The following SMOC1 variants were observed in gnomAD, a reference collection of about 807,000 sequenced individuals.
SMOC1 encodes the protein SPARC-related modular calcium-binding protein 1.
Under a neutral mutation model 56.3 loss-of-function variants are expected in SMOC1, and 22 were observed. That is an observed-to-expected ratio of 0.39 (90% CI 0.28 to 0.56). SMOC1 has a LOEUF of 0.56. SMOC1 is among the 20% of genes least tolerant of loss of function. The pLI is 0.61. For synonymous variants in SMOC1, 193 were observed against 215.0 expected, an observed-to-expected ratio of 0.90 and a Z score of 0.89; for missense variants, 509 against 565.4, an observed-to-expected ratio of 0.90 and a Z score of 1.01.
At chr14:69,925,897 C>T (rs530981220) in intron 1 of SMOC1, among the ~76,000 whole-genome samples, 20 of 152,158 alleles carry the variant, frequency 1.3e-4, no homozygotes, top group African/African-American at 2.4e-4. Flanking sequence ...CAGACCACCA[C>T]GAAAGACAGA....
In SMOC1 at chr14:70,030,505, G is replaced by T; in HGVS notation, c.*247G>T. On this transcript the variant is annotated 3_prime_UTR_variant, in exon 12 of 12. Coordinates refer to ENST00000361956, the MANE Select transcript of SMOC1 (RefSeq NM_001034852.3). ...GACTTTATTCTCTCTCTTATTGTAA[G>T]TTTTTGGATCTGCTACTGACAACTT... is the stretch of plus-strand genomic sequence containing the variant. 2.3e-5 allele frequency: 4 copies of T among 174,232 alleles called. No individual in the cohort carries two copies. The highest frequency in any genetic ancestry group is 3.5e-4 in the East Asian group (2 of 5,776). 10.8% of individuals were successfully genotyped at this position (174,232 alleles called of 1,614,324 possible).
intron 1 of SMOC1, among the ~76,000 whole-genome samples, chr14:69,939,169 C>T (rs965167950): frequency 6.6e-6 from 1 of 152,200 alleles, no homozygotes; most frequent in African/African-American, 2.4e-5. Flanking sequence ...TAAAGACATA[C>T]CCAAGACTGG....
chr14:69,973,673 C>A (rs1357569050), intron 3 of SMOC1, among the ~76,000 whole-genome samples: 1 of 152,204 alleles, frequency 6.6e-6, no homozygotes, highest in Non-Finnish European at 1.5e-5. Context: ...GTGGTAGGAA[C>A]AAGGTTCCCC....
intron 1 of SMOC1, among the ~76,000 whole-genome samples, chr14:69,942,218 C>G (rs1213785982): frequency 6.6e-6 from 1 of 152,028 alleles, no homozygotes; most frequent in East Asian, 1.9e-4. Flanking sequence ...ACTAGATCAG[C>G]TTGTAGGGGC....
At chr14:69,886,753 G>T (rs940926701) in intron 1 of SMOC1, among the ~76,000 whole-genome samples, 1 of 152,152 alleles carries the variant, frequency 6.6e-6, no homozygotes, top group Non-Finnish European at 1.5e-5. Context: ...CTGTGCCCCT[G>T]ACAAGAATCC....
At chr14:69,912,868 T>C (rs1451903520) in intron 1 of SMOC1, among the ~76,000 whole-genome samples, 1 of 152,244 alleles carries the variant, frequency 6.6e-6, no homozygotes, top group Non-Finnish European at 1.5e-5. Flanking sequence ...GGCTACTTTC[T>C]GCTTAGGAGA....
In SMOC1 at chr14:69,879,633, G is replaced by A. The variant is rs146095118; in HGVS notation, c.-46G>A. 0.08 allele frequency: 111,401 copies of A among 1,389,404 alleles called. 5,254 individuals carry two copies. The highest frequency in any genetic ancestry group is 0.094 in the Non-Finnish European group (100,736 of 1,070,092). The allele number at this position is 1,389,404 out of a possible 1,614,324, so 86.1% of individuals were successfully genotyped here. Reference sequence around the variant, plus strand: ...GGAGGCGCGCTGTGCGCCCCGCGGAGCCCGCGAACCCCGCTCGCTGCCGGC... The same window carrying A: ...GGAGGCGCGCTGTGCGCCCCGCGGAACCCGCGAACCCCGCTCGCTGCCGGC... On this transcript the variant is annotated 5_prime_UTR_variant, in exon 1 of 12. Coordinates refer to ENST00000361956, the MANE Select transcript of SMOC1 (RefSeq NM_001034852.3).
chr14:69,952,373 G>A (rs11629028), intron 2 of SMOC1, 70 bp downstream of exon 2: 40,421 of 1,584,448 alleles, frequency 0.026, 554 homozygotes, highest in Non-Finnish European at 0.027. Context: ...CTATGCATTT[G>A]CAACAGGGAA....
In SMOC1 at chr14:69,949,600, A is replaced by C. The variant is rs572181046; in HGVS notation, c.100-2538A>C. Among the ~76,000 whole-genome samples, 9 of 152,266 alleles carry C rather than the reference A, an allele frequency of 5.9e-5. No homozygotes were observed. In the East Asian group the frequency reaches 1.2e-3, roughly 20 times the overall value. ...GTCCTCACCTGGGAGAGTCAGGGAG[A>C]ACCTCCTGGAAGAGACCGCCTGAGC... On this transcript the variant is annotated intron_variant, in intron 1 of 11. Transcript: ENST00000361956.
chr14:70,024,576 C>T (rs1225130772), intron 11 of SMOC1, among the ~76,000 whole-genome samples: 1 of 151,958 alleles, frequency 6.6e-6, no homozygotes, highest in Non-Finnish European at 1.5e-5. Context: ...AGGAGATGGC[C>T]AAGCAGAGAG....
intron 1 of SMOC1, among the ~76,000 whole-genome samples, chr14:69,902,912 A>C (rs1884287947): frequency 6.6e-6 from 1 of 151,994 alleles, no homozygotes; most frequent in Non-Finnish European, 1.5e-5. Flanking sequence ...AGTCTCGTTC[A>C]CTCAGTGCTC....
At chr14:69,995,757 T>C (rs554743823) in intron 7 of SMOC1, among the ~76,000 whole-genome samples, 18 of 152,190 alleles carry the variant, frequency 1.2e-4, no homozygotes, top group Non-Finnish European at 1.9e-4. Context: ...TAAGTACATA[T>C]ATTTATTATT....
intron 5 of SMOC1, among the ~76,000 whole-genome samples, chr14:69,990,749 G>T (rs1300371760): frequency 6.6e-6 from 1 of 152,218 alleles, no homozygotes; most frequent in Non-Finnish European, 1.5e-5. Context: ...GAGGCAAATA[G>T]TATATCCAGC....
At chr14:69,898,660 C>T (rs1367938406) in intron 1 of SMOC1, among the ~76,000 whole-genome samples, 2 of 152,078 alleles carry the variant, frequency 1.3e-5, no homozygotes, top group South Asian at 2.1e-4. Context: ...TTCCATTTCT[C>T]TGTTTATATT....
chr14:69,953,551 C>A lies in SMOC1; in HGVS notation c.378+19C>A, dbSNP rs1162205029. 1 of 1,600,382 alleles carries A rather than the reference C, an allele frequency of 6.2e-7. No individual in the cohort carries two copies. The highest frequency in any genetic ancestry group is 1.7e-5 in the Admixed American group (1 of 59,994). On this transcript the variant is annotated intron_variant, in intron 3 of 11. Transcript: ENST00000361956. The stretch of plus-strand genomic sequence containing the variant: ...TACCCAGGTGAGGCCTCGGACAATC[C>A]TCTTGGGCTCTTTCCTGGACCGAGG...
chr14:69,978,372 C>T (rs1026787910), intron 5 of SMOC1, among the ~76,000 whole-genome samples: 1 of 152,206 alleles, frequency 6.6e-6, no homozygotes, highest in Non-Finnish European at 1.5e-5. Context: ...TTTTTCCCCC[C>T]TCGCTGATGC....
intron 7 of SMOC1, among the ~76,000 whole-genome samples, chr14:70,010,206 G>T (rs1222664881): frequency 2.6e-5 from 4 of 152,214 alleles, no homozygotes; most frequent in Non-Finnish European, 2.9e-5. Context: ...TGGAGGGTGG[G>T]GAGAAGCCAA....
intron 3 of SMOC1, among the ~76,000 whole-genome samples, chr14:69,972,777 C>G (rs1263866269): frequency 1.3e-5 from 2 of 152,226 alleles, no homozygotes; most frequent in Admixed American, 6.5e-5. Context: ...TAGCCTCTTA[C>G]TCATGAATTT....
intron 10 of SMOC1, among the ~76,000 whole-genome samples, chr14:70,017,332 G>T (rs1179213164): frequency 6.6e-6 from 1 of 152,204 alleles, no homozygotes; most frequent in African/African-American, 2.4e-5. Context: ...TGTCCCTCTT[G>T]TTTGATGGAG....
Sources: gnomAD v4.1 joint callset for allele counts (sites outside exome capture counted in the v4.1 genomes callset) on GRCh38, gnomAD v4.1.1 for gene constraint, MANE v1.5 for transcripts, NCBI Gene and HGNC (gene_info 2026-07-23, HGNC 2026-07-21) for gene names.